The following DHDDS variants were observed in gnomAD, a reference collection of about 807,000 sequenced individuals.
The protein encoded by DHDDS is dehydrodolichyl diphosphate synthase subunit, also known as dehydrodolichyl diphosphate synthase complex subunit DHDDS.
DHDDS carries 16 observed loss-of-function variants against 46.2 expected under a neutral mutation model. The ratio of observed to expected loss-of-function variants is 0.35; its 90% CI spans 0.23 to 0.53. DHDDS has a LOEUF of 0.53. Ranked by LOEUF, DHDDS falls within the 20% of genes least tolerant of loss-of-function variation. The probability of loss-of-function intolerance (pLI) is 0.94; values close to 1 mark genes in which losing one functional copy is unlikely to be tolerated. For missense variants in DHDDS, 340 were observed against 423.7 expected, an observed-to-expected ratio of 0.80 and a Z score of 1.73; for synonymous variants, 151 against 163.1, an observed-to-expected ratio of 0.93 and a Z score of 0.56.
chr1:26,461,447 G>A (rs545742248), intron 8 of DHDDS, among the ~76,000 whole-genome samples: 8 of 149,984 alleles, frequency 5.3e-5, no homozygotes, highest in South Asian at 2.1e-4. Context: ...GTGCAATGGC[G>A]CAATCTCGGC....
intron 8 of DHDDS, chr1:26,467,453 C>T (rs1304538714): frequency 4.5e-5 from 19 of 423,994 alleles, no homozygotes; most frequent in Admixed American, 2.4e-4. Context: ...ATTCAGGAGC[C>T]GGGGGGGACA....
intron 3 of DHDDS, among the ~76,000 whole-genome samples, chr1:26,441,704 G>A (rs918349851): frequency 6.6e-6 from 1 of 151,876 alleles, no homozygotes; most frequent in African/African-American, 2.4e-5. Flanking sequence ...AGACCAGCCT[G>A]GTCAGCATGG....
chr1:26,436,189 G>A (rs2124356485), intron 2 of DHDDS, among the ~76,000 whole-genome samples: 1 of 151,610 alleles, frequency 6.6e-6, no homozygotes, highest in East Asian at 2.0e-4. Flanking sequence ...CTTGATCCCA[G>A]GAGTTCGAGA....
intron 6 of DHDDS, among the ~76,000 whole-genome samples, chr1:26,456,346 T>C (rs1231490167): frequency 6.6e-6 from 1 of 152,144 alleles, no homozygotes; most frequent in African/African-American, 2.4e-5. Context: ...CACTCCAGTC[T>C]GGGCAACAGA....
chr1:26,446,785 A>T (rs1393394882), intron 5 of DHDDS, among the ~76,000 whole-genome samples: 1 of 152,192 alleles, frequency 6.6e-6, no homozygotes, highest in African/African-American at 2.4e-5. Flanking sequence ...AGATCCTTCA[A>T]GAAATTCTTG....
At chr1:26,438,599 C>T in intron 3 of DHDDS, 1 of 346,876 alleles carries the variant, frequency 2.9e-6, no homozygotes, top group Non-Finnish European at 5.6e-6. Context: ...ATGGTGCACA[C>T]CTGTGCCCCC....
chr1:26,433,188 C>T (rs1056598935), intron 2 of DHDDS, 180 bp downstream of exon 2: 23 of 688,034 alleles, frequency 3.3e-5, no homozygotes, highest in Non-Finnish European at 5.3e-5. Flanking sequence ...AGACTTTTGT[C>T]CTAACTCTGA....
intron 8 of DHDDS, among the ~76,000 whole-genome samples, chr1:26,463,983 A>G (rs1570364391): frequency 7.9e-6 from 1 of 125,954 alleles, no homozygotes; most frequent in South Asian, 2.5e-4. Context: ...TATGGATCAT[A>G]TTTGCAAACT....
At chr1:26,445,224 T>C (rs938694446) in intron 4 of DHDDS, among the ~76,000 whole-genome samples, 1 of 152,204 alleles carries the variant, frequency 6.6e-6, no homozygotes, top group Non-Finnish European at 1.5e-5. Context: ...TAGACCAATA[T>C]CTGGCATTTA....
At chr1:26,439,426 A>C (rs1333867500) in intron 3 of DHDDS, among the ~76,000 whole-genome samples, 2 of 152,060 alleles carry the variant, frequency 1.3e-5, no homozygotes, top group Non-Finnish European at 2.9e-5. Flanking sequence ...CAAAACAAAA[A>C]AAAAAATTAG....
chr1:26,438,031 T>A, intron 2 of DHDDS, 137 bp from the exon 3 acceptor site: 1 of 857,202 alleles, frequency 1.2e-6, no homozygotes, highest in Admixed American at 1.8e-5. Flanking sequence ...TTTTACTGAG[T>A]TAAAAGCACA....
intron 8 of DHDDS, among the ~76,000 whole-genome samples, chr1:26,467,679 G>T (rs2075506214): frequency 1.3e-5 from 2 of 152,186 alleles, no homozygotes; most frequent in African/African-American, 2.4e-5. Context: ...CTTACAGGCT[G>T]ATTAGGACAA....
At chr1:26,460,733 G>A (rs1430418203) in intron 8 of DHDDS, among the ~76,000 whole-genome samples, 3 of 152,118 alleles carry the variant, frequency 2.0e-5, no homozygotes, top group Admixed American at 6.5e-5. Flanking sequence ...GAGGATCTAC[G>A]AGGGCACTTA....
At chr1:26,455,905 C>T (rs1291439393) in intron 6 of DHDDS, among the ~76,000 whole-genome samples, 3 of 152,162 alleles carry the variant, frequency 2.0e-5, no homozygotes, top group African/African-American at 7.2e-5. Context: ...CAAGATGTAA[C>T]TCTAACTACC....
Position 26,469,640 on chromosome 1 carries a change from T to TA in DHDDS, c.*509_*510insA. On this transcript the variant is annotated 3_prime_UTR_variant, in exon 9 of 9. Coordinates refer to ENST00000236342, the MANE Select transcript of DHDDS (RefSeq NM_205861.3). ...GTGGGAGAGACAGAAAATTTGCCCA[T>TA]CTGCTGCTCCTCCCCCTTGGCTCTC... The TA allele has an allele frequency of 1.3e-5, 3 of 228,694 alleles. No homozygotes were observed. The highest frequency in any genetic ancestry group is 1.0e-4 in the Admixed American group (2 of 19,484). 14.2% of individuals were successfully genotyped at this position (228,694 alleles called of 1,614,324 possible).
At chr1:26,433,428 T>C (rs1211855641) in intron 2 of DHDDS, among the ~76,000 whole-genome samples, 3 of 152,030 alleles carry the variant, frequency 2.0e-5, no homozygotes, top group African/African-American at 7.2e-5. Flanking sequence ...GGTGGGCAGA[T>C]TGTTTGAGCT....
intron 5 of DHDDS, 52 bp from the exon 6 acceptor site, chr1:26,447,507 A>G (rs866202896): frequency 3.6e-5 from 52 of 1,445,710 alleles, no homozygotes; most frequent in South Asian, 4.6e-5. Context: ...AGTGACTTCA[A>G]TCATCAGTCC....
chr1:26,435,430 CTTTTTTTTTTT>C (rs35735570), intron 2 of DHDDS, among the ~76,000 whole-genome samples: 2 of 62,486 alleles, frequency 3.2e-5, no homozygotes, highest in African/African-American at 7.1e-5. Context: ...GAATTAGTGC[CTTTTTTTTTTT>C]TTTTTTTTTT....
intron 8 of DHDDS, among the ~76,000 whole-genome samples, chr1:26,461,004 G>A (rs543160812): frequency 6.6e-6 from 1 of 152,140 alleles, no homozygotes; most frequent in African/African-American, 2.4e-5. Context: ...CTCCCAACTA[G>A]CTGGGATTAC....
Sources: gnomAD v4.1 joint callset for allele counts (sites outside exome capture counted in the v4.1 genomes callset) on GRCh38, gnomAD v4.1.1 for gene constraint, MANE v1.5 for transcripts, NCBI Gene and HGNC (gene_info 2026-07-23, HGNC 2026-07-21) for gene names.